Variants in UNC13C observed in about 807,000 individuals in gnomAD.
UNC13C encodes the protein protein unc-13 homolog C.
In UNC13C, 174 loss-of-function variants were observed where a neutral mutation model predicts 245.4. The observed-to-expected ratio is 0.71, with a 90% CI of 0.63 to 0.80. The LOEUF (loss-of-function observed/expected upper bound fraction) is 0.80, where lower values mean the gene tolerates loss of function less well. Ranked by LOEUF, UNC13C falls within the 30% of genes least tolerant of loss-of-function variation. The probability of loss-of-function intolerance (pLI) is 0.00; values close to 1 mark genes in which losing one functional copy is unlikely to be tolerated. For synonymous variants in UNC13C, 992 were observed against 895.1 expected, an observed-to-expected ratio of 1.11 and a Z score of -1.93; for missense variants, 2,829 against 2,602.9, an observed-to-expected ratio of 1.09 and a Z score of -1.89.
intron 4 of UNC13C, among the ~76,000 whole-genome samples, chr15:54,157,959 TAC>T (rs2032821236): frequency 6.6e-6 from 1 of 152,196 alleles, no homozygotes; most frequent in African/African-American, 2.4e-5. Flanking sequence ...TAAGAAAATG[TAC>T]AGATTCAAGC....
chr15:54,526,765 G>C (rs1325180713), intron 25 of UNC13C, among the ~76,000 whole-genome samples: 3 of 121,470 alleles, frequency 2.5e-5, no homozygotes, highest in African/African-American at 6.5e-5. Context: ...AAAAAAAAAA[G>C]ATTGCTCTCT....
intron 13 of UNC13C, 26 bp downstream of exon 13, chr15:54,300,399 G>A: frequency 1.3e-6 from 2 of 1,534,566 alleles, no homozygotes; most frequent in Non-Finnish European, 1.8e-6. Flanking sequence ...CATTTACATG[G>A]TCAATATCTC....
intron 9 of UNC13C, 54 bp downstream of exon 9, chr15:54,264,449 C>T: frequency 7.5e-7 from 1 of 1,333,838 alleles, no homozygotes; most frequent in East Asian, 2.5e-5. Flanking sequence ...TTTTATGTGC[C>T]CTAGAAATAA....
At chr15:54,385,181 A>C (rs2039810384) in intron 17 of UNC13C, among the ~76,000 whole-genome samples, 1 of 152,160 alleles carries the variant, frequency 6.6e-6, no homozygotes, top group African/African-American at 2.4e-5. Flanking sequence ...AGAATAGTGG[A>C]AAGATATGGA....
chr15:54,610,796 G>A (rs934059130), intron 30 of UNC13C, among the ~76,000 whole-genome samples: 3 of 152,204 alleles, frequency 2.0e-5, no homozygotes, highest in African/African-American at 7.2e-5. Flanking sequence ...AACCCAGGCA[G>A]TATGGCCCAG....
chr15:53,983,416 T>C (rs1894004642), intron 1 of UNC13C, among the ~76,000 whole-genome samples: 1 of 151,958 alleles, frequency 6.6e-6, no homozygotes, highest in African/African-American at 2.4e-5. Flanking sequence ...AAAATTTATA[T>C]TTCCTTGTCA....
intron 20 of UNC13C, among the ~76,000 whole-genome samples, chr15:54,498,899 A>G (rs1894074338): frequency 6.6e-6 from 1 of 152,172 alleles, no homozygotes; most frequent in Non-Finnish European, 1.5e-5. Context: ...TTTAAAATGC[A>G]TGTAGAAATG....
chr15:54,209,871 G>A (rs547178392), intron 4 of UNC13C, among the ~76,000 whole-genome samples: 1 of 152,130 alleles, frequency 6.6e-6, no homozygotes, highest in African/African-American at 2.4e-5. Flanking sequence ...TATCTATTAG[G>A]TTGAAATAAA....
chr15:54,133,564 T>C (rs2141219195), intron 2 of UNC13C, among the ~76,000 whole-genome samples: 1 of 152,294 alleles, frequency 6.6e-6, no homozygotes, highest in East Asian at 1.9e-4. Context: ...TTAACGACAT[T>C]AAATTGCTGA....
chr15:54,157,297 C>T (rs938129307), intron 4 of UNC13C, among the ~76,000 whole-genome samples: 1 of 152,164 alleles, frequency 6.6e-6, no homozygotes, highest in Admixed American at 6.5e-5. Flanking sequence ...GACTCTATTG[C>T]TTAGTAGCTC....
At chr15:53,895,029 A>G in the UNC13C span, among the ~76,000 whole-genome samples, 2 of 151,910 alleles carry the variant, frequency 1.3e-5, no homozygotes, top group South Asian at 2.1e-4. Flanking sequence ...ATCAGTTTCC[A>G]TGAATAAAGC....
chr15:54,393,027 G>A, intron 17 of UNC13C, 21 bp from the exon 18 acceptor site: 1 of 1,554,160 alleles, frequency 6.4e-7, no homozygotes, highest in African/African-American at 1.4e-5. Flanking sequence ...TCTTTTGCAT[G>A]TTGCGTGAAC....
At chr15:54,273,569 T>G (rs1021013003) in intron 10 of UNC13C, among the ~76,000 whole-genome samples, 29 of 152,198 alleles carry the variant, frequency 1.9e-4, no homozygotes, top group African/African-American at 6.5e-4. Context: ...ATACAAGTCC[T>G]GGGTTATTGG....
chr15:54,441,086 A>G (rs554220660), intron 19 of UNC13C, among the ~76,000 whole-genome samples: 1 of 152,054 alleles, frequency 6.6e-6, no homozygotes, highest in Non-Finnish European at 1.5e-5. Flanking sequence ...TACTTTGCAA[A>G]TATTTTCTCT....
Position 54,089,662 on chromosome 15 carries a change from T to A in UNC13C, c.2984-53356T>A, listed in dbSNP as rs1193576628. Among the ~76,000 whole-genome samples the A allele has an allele frequency of 4.1e-3, 93 of 22,772 alleles. No homozygotes were observed. In the South Asian group the frequency reaches 0.058, roughly 14 times the overall value. 14.9% of individuals were successfully genotyped at this position (22,772 alleles called of 152,430 possible). On this transcript the variant is annotated intron_variant, in intron 2 of 32. Coordinates refer to ENST00000260323, the MANE Select transcript of UNC13C (RefSeq NM_001080534.3). ...CTTATGGTTATTGCTTCCAATATCT[T>A]TTTTTTTTTTTTTTTCCCACAACAT...
At chr15:54,471,619 G>A (rs1335808256) in intron 19 of UNC13C, among the ~76,000 whole-genome samples, 1 of 151,284 alleles carries the variant, frequency 6.6e-6, no homozygotes, top group Non-Finnish European at 1.5e-5. Flanking sequence ...GCTATATGTA[G>A]GTAGCATATA....
the UNC13C span, among the ~76,000 whole-genome samples, chr15:53,908,853 G>A: frequency 2.1e-5 from 3 of 144,428 alleles, no homozygotes; most frequent in African/African-American, 7.4e-5. Flanking sequence ...TTAGTTGAGT[G>A]TTATGGCACA....
intron 18 of UNC13C, among the ~76,000 whole-genome samples, chr15:54,399,527 G>C (rs1015851277): frequency 2.6e-5 from 4 of 151,772 alleles, no homozygotes; most frequent in African/African-American, 7.2e-5. Flanking sequence ...TTGTTCGCAT[G>C]CATTGTACTA....
chr15:54,386,683 T>C (rs554521896), intron 17 of UNC13C, among the ~76,000 whole-genome samples: 1 of 152,340 alleles, frequency 6.6e-6, no homozygotes, highest in South Asian at 2.1e-4. Flanking sequence ...TTCTATCAGA[T>C]ATGGTCTAGA....
Sources: gnomAD v4.1 joint callset for allele counts (sites outside exome capture counted in the v4.1 genomes callset) on GRCh38, gnomAD v4.1.1 for gene constraint, MANE v1.5 for transcripts, NCBI Gene and HGNC (gene_info 2026-07-23, HGNC 2026-07-21) for gene names.